SOS2: variants seen among roughly 807,000 people sequenced by gnomAD.
SOS2 encodes son of sevenless homolog 2.
SOS2 carries 65 observed loss-of-function variants against 148.2 expected under a neutral mutation model. The observed-to-expected ratio is 0.44, with a 90% confidence interval of 0.36 to 0.54. The LOEUF (loss-of-function observed/expected upper bound fraction) is 0.54. Among genes scored for constraint, SOS2 ranks in the 20% least tolerant of loss-of-function variants. SOS2 has a pLI of 0.00. For missense variants in SOS2, 1,341 were observed against 1,590.2 expected, an observed-to-expected ratio of 0.84 and a Z score of 2.67; for synonymous variants, 539 against 537.1, an observed-to-expected ratio of 1.00 and a Z score of -0.05.
intron 14 of SOS2, among the ~76,000 whole-genome samples, chr14:50,146,126 T>A (rs1360706445): frequency 7.3e-6 from 1 of 136,566 alleles, no homozygotes. Flanking sequence ...AGAGCAAAGC[T>A]CTGTCTCCAA....
At chr14:50,184,427 G>A (rs1030096482) in intron 5 of SOS2, among the ~76,000 whole-genome samples, 1 of 152,106 alleles carries the variant, frequency 6.6e-6, no homozygotes, top group Admixed American at 6.6e-5. Context: ...TATCCTGAGT[G>A]ATAATAATGT....
At chr14:50,198,987 C>T (rs1029541064) in intron 4 of SOS2, among the ~76,000 whole-genome samples, 2 of 152,224 alleles carry the variant, frequency 1.3e-5, no homozygotes, top group Admixed American at 1.3e-4. Flanking sequence ...AACCCTATCT[C>T]TCCAAAAAAT....
At chr14:50,165,662 T>C (rs1227946583) in intron 8 of SOS2, among the ~76,000 whole-genome samples, 1 of 152,332 alleles carries the variant, frequency 6.6e-6, no homozygotes, top group African/African-American at 2.4e-5. Context: ...ACACGTTTTA[T>C]TCCTTTTCAG....
At chr14:50,223,628 T>C (rs951350709) in intron 1 of SOS2, among the ~76,000 whole-genome samples, 3 of 151,682 alleles carry the variant, frequency 2.0e-5, no homozygotes, top group Non-Finnish European at 2.9e-5. Context: ...TGAGCCAAGA[T>C]TGCACCACTA....
chr14:50,118,836 A>G lies in SOS2; in HGVS notation c.3507T>C (p.Asp1169=). The G allele has an allele frequency of 7.0e-7, 1 of 1,433,854 alleles. No individual in the cohort carries two copies. Among genetic ancestry groups the G allele is most frequent in the Non-Finnish European group, 9.2e-7 (1 of 1,085,392 alleles). 88.8% of individuals were successfully genotyped at this position (1,433,854 alleles called of 1,614,324 possible). Reference sequence around the variant, plus strand: ...TCGGTGGAATAGCAGGAGGATCATCATCAGATTTCATATTTCCCTCAAAAA... The same window carrying G: ...TCGGTGGAATAGCAGGAGGATCATCGTCAGATTTCATATTTCCCTCAAAAA... ...ASNSKGNMKS[D]DDPPAIPPRQ... is the part of the protein sequence containing the mutation. Residue 1169 remains aspartate, a synonymous_variant, in exon 23 of 23, where the codon GAT becomes GAC. Transcript: ENST00000216373.
At chr14:50,126,598 G>A (rs1034871574) in intron 21 of SOS2, among the ~76,000 whole-genome samples, 1 of 151,966 alleles carries the variant, frequency 6.6e-6, no homozygotes, top group African/African-American at 2.4e-5. Context: ...ACAATCAGAG[G>A]TAACTGAAAA....
chr14:50,153,820 C>A (rs1471682120), intron 12 of SOS2, among the ~76,000 whole-genome samples: 1 of 152,138 alleles, frequency 6.6e-6, no homozygotes, highest in African/African-American at 2.4e-5. Flanking sequence ...ACCATGTTGG[C>A]CAGGCTGGTC....
intron 21 of SOS2, 106 bp downstream of exon 21, chr14:50,129,855 T>G: frequency 1.5e-6 from 1 of 657,498 alleles, no homozygotes; most frequent in Non-Finnish European, 2.6e-6. Context: ...TATTTATAAC[T>G]TTTCTTGTTC....
intron 5 of SOS2, among the ~76,000 whole-genome samples, chr14:50,187,454 T>G (rs1001293364): frequency 2.0e-5 from 3 of 151,536 alleles, no homozygotes; most frequent in African/African-American, 7.3e-5. Context: ...TTCACGCCAT[T>G]CTCCTGCCTC....
intron 11 of SOS2, among the ~76,000 whole-genome samples, chr14:50,157,390 A>T (rs1325750059): frequency 6.6e-6 from 1 of 152,156 alleles, no homozygotes; most frequent in African/African-American, 2.4e-5. Flanking sequence ...AAGAATTCAT[A>T]AGGAATTTAA....
rs979894448 is a variant in SOS2 at position 50,166,383 on chromosome 14, C to T, written c.1069-4774G>A. Reference sequence around the variant, plus strand: ...TAGCTTGGACTACAGGCATTGCCACCACATCCAGCTAATTTTTGAATTTTT... The same window carrying T: ...TAGCTTGGACTACAGGCATTGCCACTACATCCAGCTAATTTTTGAATTTTT... On this transcript the variant is annotated intron_variant, in intron 8 of 22. Coordinates refer to ENST00000216373, the MANE Select transcript of SOS2 (RefSeq NM_006939.4). Among the ~76,000 whole-genome samples, 12 of 152,176 alleles carry T rather than the reference C, an allele frequency of 7.9e-5. No individual in the cohort carries two copies. In the East Asian group the frequency reaches 2.1e-3, roughly 27 times the overall value.
chr14:50,185,751 G>C (rs943646933), intron 5 of SOS2, among the ~76,000 whole-genome samples: 1 of 151,170 alleles, frequency 6.6e-6, no homozygotes, highest in African/African-American at 2.4e-5. Flanking sequence ...CAACATGCCA[G>C]ATGAATGACC....
At chr14:50,195,858 G>A (rs533844366) in intron 4 of SOS2, among the ~76,000 whole-genome samples, 6 of 151,786 alleles carry the variant, frequency 4.0e-5, no homozygotes, top group African/African-American at 1.4e-4. Context: ...GTGAAACCCC[G>A]TCTACTAAAA....
intron 12 of SOS2, among the ~76,000 whole-genome samples, chr14:50,153,610 C>G (rs1884729663): frequency 6.6e-6 from 1 of 152,018 alleles, no homozygotes; most frequent in South Asian, 2.1e-4. Flanking sequence ...GTGCTATCAT[C>G]AAATTTCTTT....
chr14:50,222,969 T>C (rs569522771), intron 1 of SOS2, among the ~76,000 whole-genome samples: 4 of 152,188 alleles, frequency 2.6e-5, no homozygotes, highest in African/African-American at 7.2e-5. Context: ...TTCCAGGAGA[T>C]TGGTGATGAT....
In SOS2 at chr14:50,181,987, A is replaced by G. The variant is rs561268048; in HGVS notation, c.858+476T>C. Among the ~76,000 whole-genome samples, 259 of 136,974 alleles carry G rather than the reference A, an allele frequency of 1.9e-3. 2 individuals are homozygous for G. The highest frequency in any genetic ancestry group is 7.2e-3 in the African/African-American group (252 of 35,194). 89.9% of individuals were successfully genotyped at this position (136,974 alleles called of 152,430 possible). On this transcript the variant is annotated intron_variant, in intron 6 of 22. Coordinates refer to ENST00000216373, the MANE Select transcript of SOS2 (RefSeq NM_006939.4). ...ATCTTCCTTCATCTTGAATATACTT[A>G]CCACTAAAAAAAAAAAAAAAACCTA...
chr14:50,229,992 G>C (rs1025560189), intron 1 of SOS2, among the ~76,000 whole-genome samples: 1 of 152,124 alleles, frequency 6.6e-6, no homozygotes, highest in African/African-American at 2.4e-5. Flanking sequence ...TTTAGCACTT[G>C]GTATACCAAT....
At chr14:50,142,409 AG>A (rs1243088204) in intron 16 of SOS2, among the ~76,000 whole-genome samples, 1 of 152,186 alleles carries the variant, frequency 6.6e-6, no homozygotes, top group African/African-American at 2.4e-5. Context: ...TGTATAAAGC[AG>A]TTTTTCCTCT....
intron 18 of SOS2, among the ~76,000 whole-genome samples, chr14:50,136,774 G>A (rs1884095491): frequency 6.6e-6 from 1 of 151,996 alleles, no homozygotes; most frequent in Non-Finnish European, 1.5e-5. Flanking sequence ...ATTTTTAGTG[G>A]AGACAGAGTT....
Sources: gnomAD v4.1 joint callset for allele counts (sites outside exome capture counted in the v4.1 genomes callset) on GRCh38, gnomAD v4.1.1 for gene constraint, MANE v1.5 for transcripts, NCBI Gene and HGNC (gene_info 2026-07-23, HGNC 2026-07-21) for gene names.